The following PCSK6 variants were observed in gnomAD, a reference collection of about 807,000 sequenced individuals.
The protein encoded by PCSK6 is proprotein convertase subtilisin/kexin type 6.
A neutral mutation model predicts 123.3 loss-of-function variants in PCSK6; 85 were observed. The observed-to-expected ratio is 0.69, with a 90% CI of 0.58 to 0.83. The LOEUF (loss-of-function observed/expected upper bound fraction) is 0.83. PCSK6 is among the 40% of genes least tolerant of loss of function. PCSK6 has a pLI of 0.00. For synonymous variants in PCSK6, 508 were observed against 516.0 expected (o/e 0.98, Z 0.21); for missense variants, 1,191 against 1,282.3 (o/e 0.93, Z 1.09).
chr15:101,410,235 C>T (rs2042907033), intron 6 of PCSK6, among the ~76,000 whole-genome samples: 1 of 152,128 alleles, frequency 6.6e-6, no homozygotes, highest in South Asian at 2.1e-4. Context: ...TTGGCCAGGG[C>T]CTTTAGAATT....
chr15:101,415,904 G>A (rs927823630), intron 6 of PCSK6, among the ~76,000 whole-genome samples: 1 of 152,192 alleles, frequency 6.6e-6, no homozygotes, highest in Non-Finnish European at 1.5e-5. Context: ...ACGTGGAACT[G>A]TAAGTCCAAT....
chr15:101,403,358 A>T (rs1040400722), intron 6 of PCSK6, among the ~76,000 whole-genome samples: 3 of 151,532 alleles, frequency 2.0e-5, no homozygotes, highest in African/African-American at 4.9e-5. Context: ...CCAGCATGGC[A>T]CATGTACACA....
rs560869033 is a variant in PCSK6 at position 101,421,199 on chromosome 15, G to A, written c.823+6693C>T. ...GACCTCAGGTGATCTGCTCACCTCC[G>A]CCTCTCAAAGTGCTGGGATTACAGG... On this transcript the variant is annotated intron_variant, in intron 6 of 21. Transcript: ENST00000611716. Among the ~76,000 whole-genome samples the A allele has an allele frequency of 3.3e-5, 5 of 152,226 alleles. No homozygotes were observed. The South Asian group carries it at 6.2e-4, about 19-fold the overall frequency.
intron 13 of PCSK6, among the ~76,000 whole-genome samples, chr15:101,354,665 C>T (rs564291403): frequency 4.6e-5 from 7 of 152,336 alleles, no homozygotes; most frequent in South Asian, 2.1e-4. Context: ...AAACTCTTCA[C>T]GTAATGGAAA....
chr15:101,487,197 C>G (rs1467952866), intron 1 of PCSK6, among the ~76,000 whole-genome samples: 1 of 152,208 alleles, frequency 6.6e-6, no homozygotes, highest in African/African-American at 2.4e-5. Context: ...ATAGGCCCTC[C>G]GTGAGTAATC....
intron 1 of PCSK6, among the ~76,000 whole-genome samples, chr15:101,486,071 T>TTC (rs2058015181): frequency 6.6e-6 from 1 of 151,744 alleles, no homozygotes. Context: ...TCAAGCTATT[T>TTC]TCCTGCCTCA....
intron 13 of PCSK6, among the ~76,000 whole-genome samples, chr15:101,344,111 T>G (rs1025708764): frequency 6.6e-6 from 1 of 152,116 alleles, no homozygotes; most frequent in African/African-American, 2.4e-5. Flanking sequence ...ATTTGGTGTA[T>G]TATTCTGTTG....
chr15:101,432,035 C>T lies in PCSK6; in HGVS notation c.468G>A (p.Gln156=). ...RVKRQVRSDP[Q]ALYFNDPIWS... Reference sequence around the variant, plus strand: ...AAATGGGGTCGTTGAAGTAAAGGGCCTGCGGGTCACTTCGCACCTGTCTCT... The same window carrying T: ...AAATGGGGTCGTTGAAGTAAAGGGCTTGCGGGTCACTTCGCACCTGTCTCT... Residue 156 remains glutamine, a synonymous_variant, in exon 3 of 22, where the codon CAG becomes CAA. Transcript: ENST00000611716. The T allele has an allele frequency of 6.2e-7, 1 of 1,613,766 alleles. No individual in the cohort carries two copies.
intron 1 of PCSK6, among the ~76,000 whole-genome samples, chr15:101,478,807 G>A (rs946523266): frequency 6.6e-6 from 1 of 152,196 alleles, no homozygotes; most frequent in East Asian, 1.9e-4. Context: ...AGATGTCAAA[G>A]GGTGGAAAGC....
chr15:101,356,527 A>G (rs1253951385), intron 13 of PCSK6, among the ~76,000 whole-genome samples: 1 of 148,968 alleles, frequency 6.7e-6, no homozygotes, highest in Non-Finnish European at 1.5e-5. Context: ...AAAAAAAAAA[A>G]AAATTAGCCA....
At chr15:101,359,854 T>G (rs2041159841) in intron 13 of PCSK6, among the ~76,000 whole-genome samples, 1 of 152,222 alleles carries the variant, frequency 6.6e-6, no homozygotes, top group Non-Finnish European at 1.5e-5. Context: ...TGACGATACT[T>G]AATATACCTA....
chr15:101,342,719 T>C (rs1282302680), intron 13 of PCSK6, among the ~76,000 whole-genome samples: 3 of 152,196 alleles, frequency 2.0e-5, no homozygotes, highest in Non-Finnish European at 4.4e-5. Flanking sequence ...CTGGCCAACA[T>C]GGCAAAACCC....
intron 15 of PCSK6, 139 bp downstream of exon 15, chr15:101,331,512 A>T: frequency 2.7e-6 from 2 of 738,842 alleles, no homozygotes; most frequent in Non-Finnish European, 4.8e-6. Flanking sequence ...GAGCTGTGAG[A>T]TGGGGGCCTT....
At chr15:101,311,500 C>T (rs746137223) in intron 20 of PCSK6, among the ~76,000 whole-genome samples, 32 of 152,132 alleles carry the variant, frequency 2.1e-4, no homozygotes, top group Non-Finnish European at 2.9e-4. Context: ...GGAGTGAAGA[C>T]GCTGGGCAGA....
chr15:101,310,817 G>A (rs943861831), intron 20 of PCSK6, among the ~76,000 whole-genome samples: 10 of 152,196 alleles, frequency 6.6e-5, no homozygotes, highest in Non-Finnish European at 1.2e-4. Context: ...CCCACTGTGT[G>A]GTGAATCGGT....
At chr15:101,353,404 C>T (rs1330478692) in intron 13 of PCSK6, among the ~76,000 whole-genome samples, 1 of 152,198 alleles carries the variant, frequency 6.6e-6, no homozygotes, top group Non-Finnish European at 1.5e-5. Flanking sequence ...GCTGGCCGCT[C>T]ACCTCCTGCT....
At position 101,366,535 on chromosome 15, in the gene PCSK6, T is replaced by C. The variant is rs544987493; in HGVS notation, c.1722-203A>G. Among the ~76,000 whole-genome samples, 3 of 152,128 alleles carry C rather than the reference T, an allele frequency of 2.0e-5. No homozygotes were observed. In the South Asian group the frequency reaches 6.2e-4, roughly 32 times the overall value. ...TCTTTAAGCTCTTACACAGACTCTC[T>C]CCTCCATCACCTCCTTGAACCTCCT... On this transcript the variant is annotated intron_variant, in intron 12 of 21. Transcript: ENST00000611716.
intron 2 of PCSK6, among the ~76,000 whole-genome samples, chr15:101,437,909 T>C (rs1255644894): frequency 1.3e-5 from 2 of 152,046 alleles, no homozygotes; most frequent in African/African-American, 4.8e-5. Context: ...AACGTGACTG[T>C]AATGGGAGAT....
chr15:101,359,579 C>A (rs938065354), intron 13 of PCSK6, among the ~76,000 whole-genome samples: 1 of 152,260 alleles, frequency 6.6e-6, no homozygotes, highest in African/African-American at 2.4e-5. Flanking sequence ...GGAAGGAAGG[C>A]TGCAGATGGC....
Sources: allele counts gnomAD v4.1 joint callset (sites outside exome capture counted in the v4.1 genomes callset), GRCh38; gene constraint gnomAD v4.1.1; transcripts MANE v1.5; gene names NCBI Gene and HGNC (gene_info 2026-07-23, HGNC 2026-07-21).